NTN4: variants seen among roughly 807,000 people sequenced by gnomAD.
NTN4 encodes netrin-4.
Under a neutral mutation model 73.6 loss-of-function variants are expected in NTN4, and 32 were observed. That is an observed-to-expected ratio of 0.44 (90% CI 0.33 to 0.58). The LOEUF (loss-of-function observed/expected upper bound fraction) is 0.58, where lower values mean the gene tolerates loss of function less well. Among genes scored for constraint, NTN4 ranks in the 20% least tolerant of loss-of-function variants. The pLI, the probability that NTN4 is intolerant of heterozygous loss-of-function variation, is 0.04. For missense variants in NTN4, 654 were observed against 798.3 expected, an observed-to-expected ratio of 0.82 and a Z score of 2.18; for synonymous variants, 258 against 287.5, an observed-to-expected ratio of 0.90 and a Z score of 1.04.
chr12:95,772,779 C>A (rs1365813076), intron 2 of NTN4, among the ~76,000 whole-genome samples: 2 of 152,154 alleles, frequency 1.3e-5, no homozygotes, highest in African/African-American at 2.4e-5. Context: ...TAGAATTCAA[C>A]CACTTTTCAC....
rs560166022 is a variant in NTN4 at position 95,687,294 on chromosome 12, C to T, written c.1181-3583G>A. 2.0e-5 allele frequency among the ~76,000 whole-genome samples: 3 copies of T among 152,240 alleles called. No homozygotes were observed. In the South Asian group the frequency reaches 6.2e-4, roughly 32 times the overall value. ...TATTTTTAAGTATTTCTGAGTTTCA[C>T]TTTGAAAAGCAAATGACTATAAAAT... On this transcript the variant is annotated intron_variant, in intron 5 of 9. Coordinates refer to ENST00000343702, the MANE Select transcript of NTN4 (RefSeq NM_021229.4).
chr12:95,699,807 T>G (rs1005744842), intron 5 of NTN4, among the ~76,000 whole-genome samples: 4 of 152,158 alleles, frequency 2.6e-5, no homozygotes, highest in Non-Finnish European at 4.4e-5. Context: ...ACTACATTTA[T>G]TTTGGCCCAT....
intron 5 of NTN4, among the ~76,000 whole-genome samples, chr12:95,693,708 G>C (rs957419764): frequency 1.3e-5 from 2 of 149,468 alleles, no homozygotes; most frequent in African/African-American, 4.9e-5. Flanking sequence ...TCCAGCCTGG[G>C]TGATAGAGCA....
At chr12:95,754,695 C>G (rs1177417320) in intron 2 of NTN4, among the ~76,000 whole-genome samples, 2 of 152,104 alleles carry the variant, frequency 1.3e-5, no homozygotes, top group Admixed American at 6.5e-5. Context: ...GTGACCCCTA[C>G]CCCTGCCCAC....
chr12:95,704,846 A>C (rs1192240222), intron 5 of NTN4, among the ~76,000 whole-genome samples: 1 of 152,198 alleles, frequency 6.6e-6, no homozygotes, highest in East Asian at 1.9e-4. Flanking sequence ...AAGCCTACCC[A>C]GGGATCGGGG....
At chr12:95,720,641 A>G in intron 3 of NTN4, among the ~76,000 whole-genome samples, 1 of 152,182 alleles carries the variant, frequency 6.6e-6, no homozygotes, top group East Asian at 1.9e-4. Context: ...ATAATTATGC[A>G]TTTGAAGTGG....
chr12:95,768,997 G>A (rs2079038176), intron 2 of NTN4, among the ~76,000 whole-genome samples: 1 of 152,124 alleles, frequency 6.6e-6, no homozygotes, highest in Non-Finnish European at 1.5e-5. Context: ...TGAAGCAGGA[G>A]GCAAGCTCTT....
In NTN4 at chr12:95,787,488, C is replaced by G. The variant is rs750701081; in HGVS notation, c.56-20G>C. 1 of 1,607,856 alleles carries G rather than the reference C, an allele frequency of 6.2e-7. No individual in the cohort carries two copies. Among genetic ancestry groups the G allele is most frequent in the Non-Finnish European group, 8.5e-7 (1 of 1,177,188 alleles). Reference sequence around the variant, plus strand: ...TCAGTCCTAAGAAAGGGAAAGCATGCATGATGCAAGACAAACCCATCTGGA... The same window carrying G: ...TCAGTCCTAAGAAAGGGAAAGCATGGATGATGCAAGACAAACCCATCTGGA... On this transcript the variant is annotated intron_variant, in intron 1 of 9. Transcript: ENST00000343702.
chr12:95,673,102 C>T, intron 7 of NTN4: 1 of 1,166,872 alleles, frequency 8.6e-7, no homozygotes, highest in Non-Finnish European at 1.3e-6. Flanking sequence ...CCCAGGAGCA[C>T]CCTCCTTGCC....
intron 2 of NTN4, among the ~76,000 whole-genome samples, chr12:95,774,431 G>C (rs2079078200): frequency 6.6e-6 from 1 of 152,120 alleles, no homozygotes. Context: ...AGGTGGGAAG[G>C]CTTCAACAGC....
At chr12:95,754,148 T>G (rs1002741112) in intron 2 of NTN4, among the ~76,000 whole-genome samples, 9 of 152,336 alleles carry the variant, frequency 5.9e-5, no homozygotes, top group African/African-American at 2.2e-4. Context: ...AGACCTTTTA[T>G]ACCTGTTTTT....
At chr12:95,744,284 G>A (rs1440674463) in intron 2 of NTN4, among the ~76,000 whole-genome samples, 1 of 152,040 alleles carries the variant, frequency 6.6e-6, no homozygotes, top group Non-Finnish European at 1.5e-5. Flanking sequence ...AATATTCTTT[G>A]ATCTAAAATC....
At chr12:95,660,595 AAAAG>A (rs2078130040) in intron 9 of NTN4, among the ~76,000 whole-genome samples, 1 of 152,206 alleles carries the variant, frequency 6.6e-6, no homozygotes, top group South Asian at 2.1e-4. Flanking sequence ...TAGATTAGTA[AAAAG>A]AAATACAATA....
chr12:95,729,613 A>G (rs889915262), intron 3 of NTN4, among the ~76,000 whole-genome samples: 3 of 138,050 alleles, frequency 2.2e-5, no homozygotes, highest in African/African-American at 2.7e-5. Flanking sequence ...AATTATTATA[A>G]AGAGAGAGAG....
At chr12:95,682,881 A>G in intron 6 of NTN4, 59 bp from the exon 7 acceptor site, 1 of 972,388 alleles carries the variant, frequency 1.0e-6, no homozygotes, top group Non-Finnish European at 1.6e-6. Context: ...CTTGTATAGA[A>G]ATGAATCTAT....
chr12:95,668,097 A>G (rs565826179), intron 8 of NTN4, among the ~76,000 whole-genome samples: 5 of 150,470 alleles, frequency 3.3e-5, no homozygotes, highest in Admixed American at 6.6e-5. Flanking sequence ...TGTCACTTCT[A>G]TTGCTCAATA....
intron 5 of NTN4, among the ~76,000 whole-genome samples, chr12:95,700,080 ATTTTTTTTTTTTTTTTTTT>A (rs56063223): frequency 3.4e-4 from 14 of 41,788 alleles, no homozygotes; most frequent in Non-Finnish European, 4.3e-4. Flanking sequence ...TAAAGTGAGG[ATTTTTTTTTTTTTTTTTTT>A]TTTTTTTTTT....
intron 2 of NTN4, among the ~76,000 whole-genome samples, chr12:95,760,951 G>C (rs962877866): frequency 6.6e-6 from 1 of 152,066 alleles, no homozygotes; most frequent in East Asian, 1.9e-4. Context: ...TCCTTAAAGG[G>C]GAGAGGATTC....
intron 2 of NTN4, among the ~76,000 whole-genome samples, chr12:95,771,211 G>A (rs1347987375): frequency 6.6e-6 from 1 of 151,940 alleles, no homozygotes; most frequent in South Asian, 2.1e-4. Context: ...GGATGGTCTC[G>A]ATCTCCTGAC....
Sources: allele counts gnomAD v4.1 joint callset (sites outside exome capture counted in the v4.1 genomes callset), GRCh38; gene constraint gnomAD v4.1.1; transcripts MANE v1.5; gene names NCBI Gene and HGNC (gene_info 2026-07-23, HGNC 2026-07-21).